The following DTNA variants were observed in gnomAD, a reference collection of about 807,000 sequenced individuals.
DTNA encodes the protein dystrobrevin alpha.
Under a neutral mutation model 100.7 loss-of-function variants are expected in DTNA, and 43 were observed. That is an observed-to-expected ratio of 0.43 (90% CI 0.33 to 0.55). The LOEUF (loss-of-function observed/expected upper bound fraction) is 0.55, where lower values mean the gene tolerates loss of function less well. Ranked by LOEUF, DTNA falls within the 20% of genes least tolerant of loss-of-function variation. DTNA has a pLI of 0.04. For synonymous variants in DTNA, 349 were observed against 347.9 expected, an observed-to-expected ratio of 1.00 and a Z score of -0.04; for missense variants, 798 against 953.9, an observed-to-expected ratio of 0.84 and a Z score of 2.15.
intron 1 of DTNA, among the ~76,000 whole-genome samples, chr18:34,726,366 C>T (rs947513264): frequency 5.3e-5 from 8 of 152,168 alleles, no homozygotes; most frequent in African/African-American, 1.9e-4. Flanking sequence ...TCATCTCTTC[C>T]TCATAGCCTC....
intron 1 of DTNA, among the ~76,000 whole-genome samples, chr18:34,531,183 A>G (rs1264455559): frequency 6.6e-6 from 1 of 152,152 alleles, no homozygotes. Context: ...TTTAGCATAT[A>G]CATTCTGTGT....
At position 34,875,327 on chromosome 18, in the gene DTNA, C is replaced by G. The variant is rs1281026125; in HGVS notation, c.1832C>G (p.Ser611Cys). Residue 611 changes from serine (S) to cysteine (C), a missense_variant, in exon 18 of 23, where the codon TCC becomes TGC. Coordinates refer to ENST00000444659, the MANE Select transcript of DTNA (RefSeq NM_001386795.1). ...CCCATCCGGTCAGCGTCAGCCTGCT[C>G]CACCCCGACGCACACGCCGCAGGAC... ...PMPIRSASACSTPTHTPQDSL... is the reference protein window; with the variant it reads ...PMPIRSASACCTPTHTPQDSL... 4.3e-6 allele frequency: 7 copies of G among 1,614,196 alleles called. No individual in the cohort carries two copies. The South Asian group carries it at 7.7e-5, about 18-fold the overall frequency.
intron 11 of DTNA, among the ~76,000 whole-genome samples, chr18:34,836,703 G>C (rs11660071): frequency 0.25 from 37,073 of 148,580 alleles, 4,636 homozygotes; most frequent in South Asian, 0.27. Context: ...AACTTTTTAA[G>C]TACAGCAATA....
chr18:34,889,467 C>T lies in DTNA; in HGVS notation c.*1733C>T. 3.0e-6 allele frequency: 3 copies of T among 985,394 alleles called. No individual in the cohort carries two copies. The highest frequency in any genetic ancestry group is 5.2e-4 in the Middle Eastern group (1 of 1,914). The allele number at this position is 985,394 out of a possible 1,614,324, so 61.0% of individuals were successfully genotyped here. A position where few individuals can be genotyped will look rare whatever the true frequency, so the allele number is the denominator to read the frequency against. ...ATAAAGTCTCTGAAAAGGCCTTATT[C>T]AGAATAAGCAAGAAAGGTTCTGTGA... On this transcript the variant is annotated 3_prime_UTR_variant, in exon 23 of 23. Coordinates refer to ENST00000444659, the MANE Select transcript of DTNA (RefSeq NM_001386795.1).
intron 1 of DTNA, among the ~76,000 whole-genome samples, chr18:34,519,520 G>A (rs189540298): frequency 1.5e-3 from 222 of 152,190 alleles, no homozygotes; most frequent in African/African-American, 5.2e-3. Context: ...TGGCCCTAGA[G>A]CTTTTGGGAC....
At chr18:34,805,647 T>C (rs895677237) in intron 4 of DTNA, among the ~76,000 whole-genome samples, 1 of 152,108 alleles carries the variant, frequency 6.6e-6, no homozygotes, top group African/African-American at 2.4e-5. Context: ...TTTGCCCCTT[T>C]AAAATAGCAG....
intron 17 of DTNA, chr18:34,866,326 C>T: frequency 1.4e-6 from 2 of 1,448,594 alleles, no homozygotes; most frequent in Non-Finnish European, 1.8e-6. Flanking sequence ...ATAACTATCA[C>T]TACTATCCAC....
chr18:34,849,624 G>A (rs1479102544), intron 14 of DTNA, among the ~76,000 whole-genome samples: 1 of 152,186 alleles, frequency 6.6e-6, no homozygotes, highest in Non-Finnish European at 1.5e-5. Context: ...GACCAAATTT[G>A]TCCCCCAGAA....
intron 1 of DTNA, among the ~76,000 whole-genome samples, chr18:34,630,022 C>T (rs1046897098): frequency 6.6e-6 from 1 of 152,160 alleles, no homozygotes; most frequent in Non-Finnish European, 1.5e-5. Context: ...AAAGTGGTTT[C>T]CAGGCCATAT....
intron 1 of DTNA, among the ~76,000 whole-genome samples, chr18:34,653,365 T>C (rs2073889221): frequency 6.6e-6 from 1 of 152,106 alleles, no homozygotes; most frequent in Non-Finnish European, 1.5e-5. Context: ...GGCACACCAA[T>C]CTAATTTGTA....
chr18:34,638,104 C>T (rs936909576), intron 1 of DTNA, among the ~76,000 whole-genome samples: 7 of 152,136 alleles, frequency 4.6e-5, no homozygotes, highest in South Asian at 2.1e-4. Flanking sequence ...GTAATGGATA[C>T]GGATCACATA....
chr18:34,547,198 C>A (rs2044879585), intron 1 of DTNA, among the ~76,000 whole-genome samples: 1 of 151,798 alleles, frequency 6.6e-6, no homozygotes, highest in Non-Finnish European at 1.5e-5. Context: ...TTTGATCAGG[C>A]CCTCTTGCTC....
intron 1 of DTNA, among the ~76,000 whole-genome samples, chr18:34,641,092 T>C (rs2059225038): frequency 6.6e-6 from 1 of 152,084 alleles, no homozygotes; most frequent in Non-Finnish European, 1.5e-5. Flanking sequence ...AATATTAAAA[T>C]AAAAATCTAT....
intron 1 of DTNA, among the ~76,000 whole-genome samples, chr18:34,588,782 A>G (rs1402453282): frequency 6.6e-6 from 1 of 151,876 alleles, no homozygotes; most frequent in Non-Finnish European, 1.5e-5. Context: ...TAAAGGATCC[A>G]CAATCATTTT....
chr18:34,822,545 C>A (rs1420351743), intron 9 of DTNA: 1 of 152,394 alleles, frequency 6.6e-6, no homozygotes, highest in Admixed American at 6.6e-5. Context: ...TGATGCACTG[C>A]AACGTAAAAG....
chr18:34,593,640 G>T (rs778112821), intron 1 of DTNA: 1 of 152,156 alleles, frequency 6.6e-6, no homozygotes, highest in Non-Finnish European at 1.5e-5. Context: ...AGATTTTTCA[G>T]TGTTGTAGCT....
intron 1 of DTNA, among the ~76,000 whole-genome samples, chr18:34,727,815 T>A (rs973774015): frequency 3.3e-5 from 5 of 152,318 alleles, no homozygotes; most frequent in African/African-American, 1.2e-4. Flanking sequence ...TCCACCCACC[T>A]TGGCCTCCCA....
intron 1 of DTNA, among the ~76,000 whole-genome samples, chr18:34,673,090 ATTTG>A (rs1337539225): frequency 6.6e-6 from 1 of 151,730 alleles, no homozygotes; most frequent in African/African-American, 2.4e-5. Flanking sequence ...TTTACATTTT[ATTTG>A]TTTGTTTTTT....
intron 1 of DTNA, among the ~76,000 whole-genome samples, chr18:34,550,573 T>G (rs2145922112): frequency 6.6e-6 from 1 of 152,320 alleles, no homozygotes; most frequent in Admixed American, 6.5e-5. Flanking sequence ...GTCTGAGAAT[T>G]GTCATTTTGG....
Sources: allele counts gnomAD v4.1 joint callset (sites outside exome capture counted in the v4.1 genomes callset), GRCh38; gene constraint gnomAD v4.1.1; transcripts MANE v1.5; gene names NCBI Gene and HGNC (gene_info 2026-07-23, HGNC 2026-07-21).